FSTL5: variants seen among roughly 807,000 people sequenced by gnomAD.
The protein encoded by FSTL5 is follistatin like 5.
FSTL5 carries 62 observed loss-of-function variants against 89.1 expected under a neutral mutation model. The observed-to-expected ratio is 0.70, with a 90% CI of 0.57 to 0.86. FSTL5 has a LOEUF of 0.86. FSTL5 is among the 40% of genes least tolerant of loss of function. The pLI is 0.00. For missense variants in FSTL5, 1,057 were observed against 1,001.6 expected, an observed-to-expected ratio of 1.06 and a Z score of -0.75; for synonymous variants, 383 against 346.2, an observed-to-expected ratio of 1.11 and a Z score of -1.18.
chr4:161,707,623 C>A (rs969482335), intron 6 of FSTL5, among the ~76,000 whole-genome samples: 2 of 151,848 alleles, frequency 1.3e-5, no homozygotes, highest in African/African-American at 4.8e-5. Flanking sequence ...TTCACGAAAT[C>A]TTGCTATTTT....
intron 6 of FSTL5, among the ~76,000 whole-genome samples, chr4:161,683,495 T>C (rs1191357637): frequency 6.6e-6 from 1 of 152,108 alleles, no homozygotes; most frequent in African/African-American, 2.4e-5. Flanking sequence ...TTTTAATAAT[T>C]TTAGAAATTA....
chr4:161,951,884 T>A (rs1307691635), intron 3 of FSTL5, among the ~76,000 whole-genome samples: 1 of 151,990 alleles, frequency 6.6e-6, no homozygotes, highest in Admixed American at 6.6e-5. Flanking sequence ...ATGAATATCT[T>A]AGCATAATTC....
At chr4:162,006,138 T>C (rs1736610061) in intron 3 of FSTL5, among the ~76,000 whole-genome samples, 1 of 151,740 alleles carries the variant, frequency 6.6e-6, no homozygotes. Flanking sequence ...CAAAAGATAA[T>C]GAGATGCTTG....
At chr4:162,154,428 A>G (rs1733387378) in intron 1 of FSTL5, among the ~76,000 whole-genome samples, 1 of 152,180 alleles carries the variant, frequency 6.6e-6, no homozygotes, top group African/African-American at 2.4e-5. Flanking sequence ...TCTAAAGTAT[A>G]TTTCTTGCAC....
chr4:162,155,886 GA>G (rs1194562659), intron 1 of FSTL5, among the ~76,000 whole-genome samples: 1 of 152,194 alleles, frequency 6.6e-6, no homozygotes, highest in Non-Finnish European at 1.5e-5. Flanking sequence ...CCAATTAGAA[GA>G]ATCTTTAAAG....
At chr4:161,476,880 C>CAAA (rs1309335937) in intron 13 of FSTL5, among the ~76,000 whole-genome samples, 25 of 152,110 alleles carry the variant, frequency 1.6e-4, no homozygotes, top group African/African-American at 5.3e-4. Context: ...AACAGATACC[C>CAAA]CAAATGTAAA....
chr4:161,665,826 T>C (rs111928339), intron 6 of FSTL5, among the ~76,000 whole-genome samples: 6,650 of 131,700 alleles, frequency 0.05, 474 homozygotes, highest in African/African-American at 0.17. Context: ...AAAATGATTC[T>C]AGATGAACAC....
chr4:161,865,659 T>A (rs1433512784), intron 4 of FSTL5, among the ~76,000 whole-genome samples: 1 of 152,160 alleles, frequency 6.6e-6, no homozygotes, highest in Non-Finnish European at 1.5e-5. Context: ...CCATAACCTT[T>A]CAAAAGTCTT....
chr4:161,392,411 A>T (rs1730851116), intron 15 of FSTL5, among the ~76,000 whole-genome samples: 1 of 151,996 alleles, frequency 6.6e-6, no homozygotes, highest in African/African-American at 2.4e-5. Flanking sequence ...TTTTTTGTAG[A>T]GATGGGTCTC....
intron 3 of FSTL5, among the ~76,000 whole-genome samples, chr4:161,947,309 T>C (rs1171481209): frequency 3.0e-5 from 4 of 133,398 alleles, no homozygotes; most frequent in Non-Finnish European, 6.6e-5. Flanking sequence ...ATGTAAGATT[T>C]CTCTGCCTAT....
chr4:161,451,769 A>G (rs558870247), intron 15 of FSTL5, among the ~76,000 whole-genome samples: 3 of 152,306 alleles, frequency 2.0e-5, no homozygotes, highest in South Asian at 2.1e-4. Context: ...AGAAATCCAT[A>G]TATAGGAAAC....
At chr4:161,724,092 TTAAAAAC>T (rs1447393306) in intron 6 of FSTL5, among the ~76,000 whole-genome samples, 1 of 151,976 alleles carries the variant, frequency 6.6e-6, no homozygotes. Flanking sequence ...TATTAGTAGA[TTAAAAAC>T]TGTATGCAAG....
At chr4:161,428,411 C>T (rs1732238591) in intron 15 of FSTL5, among the ~76,000 whole-genome samples, 1 of 152,198 alleles carries the variant, frequency 6.6e-6, no homozygotes. Context: ...GTGGTTGCAC[C>T]ACCCCTCCGC....
At chr4:162,112,813 A>C (rs921488255) in intron 1 of FSTL5, among the ~76,000 whole-genome samples, 42 of 142,170 alleles carry the variant, frequency 3.0e-4, no homozygotes, top group Admixed American at 2.9e-4. Flanking sequence ...ACACACACAC[A>C]CACCAGTGGG....
intron 15 of FSTL5, among the ~76,000 whole-genome samples, chr4:161,426,716 C>G (rs147689206): frequency 2.0e-5 from 3 of 152,078 alleles, no homozygotes; most frequent in Non-Finnish European, 2.9e-5. Flanking sequence ...CTCAGCCTCC[C>G]GAGTAACTGT....
chr4:161,643,908 C>T (rs1237304712), intron 7 of FSTL5, among the ~76,000 whole-genome samples: 1 of 152,066 alleles, frequency 6.6e-6, no homozygotes, highest in Non-Finnish European at 1.5e-5. Context: ...ATAAGAACCA[C>T]CATTACGTGA....
intron 2 of FSTL5, among the ~76,000 whole-genome samples, chr4:162,038,852 T>C (rs1737840758): frequency 6.6e-6 from 1 of 151,822 alleles, no homozygotes; most frequent in Non-Finnish European, 1.5e-5. Context: ...TGCTAAATGC[T>C]AAGTGCATCA....
At chr4:161,574,503 TC>T (rs1316380460) in intron 8 of FSTL5, among the ~76,000 whole-genome samples, 1 of 152,088 alleles carries the variant, frequency 6.6e-6, no homozygotes, top group Non-Finnish European at 1.5e-5. Flanking sequence ...CCTAATGCTC[TC>T]CCTCTCCTTG....
rs541403563 is a variant in FSTL5 at position 161,866,695 on chromosome 4, T to A, written c.409+53709A>T. ...TTATAAAATTATACTTTATTCTGAT[T>A]AAATTTAGCAATCAAATTAAAATAT... is the stretch of plus-strand genomic sequence containing the variant. On this transcript the variant is annotated intron_variant, in intron 4 of 15. Transcript: ENST00000306100. Among the ~76,000 whole-genome samples, 159 of 152,020 alleles carry A rather than the reference T, an allele frequency of 1.0e-3. 2 individuals carry two copies. The highest frequency in any genetic ancestry group is 0.01 in the Middle Eastern group (3 of 294).
Sources: gnomAD v4.1 joint callset for allele counts (sites outside exome capture counted in the v4.1 genomes callset) on GRCh38, gnomAD v4.1.1 for gene constraint, MANE v1.5 for transcripts, NCBI Gene and HGNC (gene_info 2026-07-23, HGNC 2026-07-21) for gene names.